The following SPACA1 variants were observed in gnomAD, a reference collection of about 807,000 sequenced individuals.
The protein encoded by SPACA1 is sperm acrosome associated 1, also known as sperm acrosome membrane-associated protein 1.
In SPACA1, 17 loss-of-function variants were observed where a neutral mutation model predicts 32.6. The observed-to-expected ratio is 0.52, with a 90% CI of 0.36 to 0.78. The LOEUF (loss-of-function observed/expected upper bound fraction) is 0.78. SPACA1 is among the 30% of genes least tolerant of loss of function. The pLI is 0.01. For missense variants in SPACA1, 363 were observed against 373.4 expected (o/e 0.97, Z 0.23); for synonymous variants, 140 against 138.1 (o/e 1.01, Z -0.10).
chr6:88,063,945 T>G (rs1238552224), intron 5 of SPACA1, 154 bp from the exon 6 acceptor site: 26 of 783,374 alleles, frequency 3.3e-5, no homozygotes, highest in Non-Finnish European at 4.3e-5. Context: ...AAAAGGACAT[T>G]TCAAACATGC....
At chr6:88,051,527 A>C (rs558137579) in intron 1 of SPACA1, among the ~76,000 whole-genome samples, 4 of 152,346 alleles carry the variant, frequency 2.6e-5, no homozygotes, top group African/African-American at 7.2e-5. Flanking sequence ...CTAAAAGAGC[A>C]AGATCATTTT....
intron 5 of SPACA1, among the ~76,000 whole-genome samples, chr6:88,063,553 G>C (rs552763287): frequency 6.6e-6 from 1 of 152,242 alleles, no homozygotes; most frequent in Admixed American, 6.5e-5. Context: ...GATGAGGAAG[G>C]AGTTAATTAG....
chr6:88,053,146 A>G (rs1195814441), intron 1 of SPACA1, among the ~76,000 whole-genome samples: 2 of 152,250 alleles, frequency 1.3e-5, no homozygotes, highest in Non-Finnish European at 2.9e-5. Flanking sequence ...AAATGCAAAC[A>G]GCTAATTAGT....
chr6:88,056,767 G>A (rs978447108), intron 2 of SPACA1, among the ~76,000 whole-genome samples: 3 of 152,124 alleles, frequency 2.0e-5, no homozygotes, highest in African/African-American at 7.2e-5. Flanking sequence ...ATGGGACACG[G>A]TTCAACATGT....
chr6:88,050,375 A>C lies in SPACA1; in HGVS notation c.208+2262A>C, dbSNP rs923186113. Among the ~76,000 whole-genome samples the C allele has an allele frequency of 5.3e-5, 8 of 152,240 alleles. No individual in the cohort carries two copies. In the East Asian group the frequency reaches 1.3e-3, roughly 26 times the overall value. On this transcript the variant is annotated intron_variant, in intron 1 of 6. Transcript: ENST00000237201. ...TTCATCTAGTATATTCATCCAAGATAATCATCATCTCTCATTGAGATTTTG... is the reference window on the plus strand; with the variant it reads ...TTCATCTAGTATATTCATCCAAGATCATCATCATCTCTCATTGAGATTTTG...
chr6:88,059,196 A>G (rs1397282183), intron 4 of SPACA1, among the ~76,000 whole-genome samples: 3 of 152,160 alleles, frequency 2.0e-5, no homozygotes, highest in Non-Finnish European at 2.9e-5. Context: ...TCCATATAAC[A>G]ATTCTCTGAG....
At chr6:88,064,640 C>T (rs1326789055) in intron 6 of SPACA1, among the ~76,000 whole-genome samples, 2 of 151,606 alleles carry the variant, frequency 1.3e-5, no homozygotes, top group Non-Finnish European at 2.9e-5. Context: ...GGCTCATATA[C>T]TATCGATTTG....
chr6:88,057,182 A>G (rs1213206386), intron 2 of SPACA1, among the ~76,000 whole-genome samples: 1 of 152,216 alleles, frequency 6.6e-6, no homozygotes, highest in East Asian at 1.9e-4. Flanking sequence ...AATTTATGAC[A>G]TGTTATCAAT....
At chr6:88,065,856 G>C (rs1206373704) in intron 6 of SPACA1, among the ~76,000 whole-genome samples, 1 of 151,268 alleles carries the variant, frequency 6.6e-6, no homozygotes, top group African/African-American at 2.4e-5. Flanking sequence ...GAAAAAATTT[G>C]AATACAAAAT....
At chr6:88,050,013 A>G (rs1202952015) in intron 1 of SPACA1, among the ~76,000 whole-genome samples, 2 of 152,218 alleles carry the variant, frequency 1.3e-5, no homozygotes, top group African/African-American at 4.8e-5. Context: ...AAATATTTTC[A>G]TCTTTAGATT....
chr6:88,064,413 A>G, intron 6 of SPACA1, 194 bp downstream of exon 6: 1 of 366,128 alleles, frequency 2.7e-6, no homozygotes, highest in Non-Finnish European at 4.8e-6. Flanking sequence ...TTTTTAAAAC[A>G]ATCTCATGAC....
rs1316372707 is a variant in SPACA1 at position 88,058,793 on chromosome 6, T to C, written c.445T>C (p.Tyr149His). 6.2e-7 allele frequency: 1 copy of C among 1,613,090 alleles called. No individual in the cohort carries two copies. The highest frequency in any genetic ancestry group is 1.1e-5 in the South Asian group (1 of 91,006). Reference protein sequence around the residue: ...IHTSPLNRFKYMWKLLRQDQQ... With the variant: ...IHTSPLNRFKHMWKLLRQDQQ... The stretch of plus-strand genomic sequence containing the variant: ...CACATCTCCCTTAAATCGTTTCAAA[T>C]ATATGTGGAAACTTCTAAGACAAGA... Residue 149 changes from tyrosine (Y) to histidine (H), a missense_variant, in exon 4 of 7, where the codon TAT becomes CAT. Tyr to His is a moderately conservative substitution (Grantham distance 83, BLOSUM62 2). Coordinates refer to ENST00000237201, the MANE Select transcript of SPACA1 (RefSeq NM_030960.3).
At chr6:88,063,434 C>A (rs1775926454) in intron 5 of SPACA1, among the ~76,000 whole-genome samples, 7 of 152,098 alleles carry the variant, frequency 4.6e-5, no homozygotes, top group African/African-American at 9.7e-5. Flanking sequence ...GTAAACAAAT[C>A]TTTACACAAG....
intron 5 of SPACA1, 39 bp downstream of exon 5, chr6:88,059,627 A>G (rs1775862511): frequency 1.9e-6 from 3 of 1,558,536 alleles, no homozygotes; most frequent in African/African-American, 1.4e-5. Flanking sequence ...TTATATGCCA[A>G]TCTTTAAAGA....
chr6:88,048,561 A>T (rs562662910), intron 1 of SPACA1, among the ~76,000 whole-genome samples: 2 of 152,076 alleles, frequency 1.3e-5, no homozygotes, highest in South Asian at 4.1e-4. Flanking sequence ...ATACACCCAG[A>T]TAGACCAGTA....
Position 88,066,184 on chromosome 6 carries a change from C to A in SPACA1, c.734C>A (p.Ala245Glu). Residue 245 changes from alanine to glutamate, a missense_variant and splice_region_variant, in exon 7 of 7, where the codon GCA becomes GAA. Transcript: ENST00000237201. ...TTGGTTTTTGTTTTTTCTTCCAGGG[C>A]AGCAGTCAAGGCTTTCTGGGGGGCA... ...FLLIFIIINW[A>E]AVKAFWGAKA... 1.9e-6 allele frequency: 3 copies of A among 1,565,270 alleles called. No individual in the cohort carries two copies. The highest frequency in any genetic ancestry group is 2.4e-5 in the South Asian group (2 of 82,086).
At chr6:88,058,647 A>G in intron 3 of SPACA1, 69 bp from the exon 4 acceptor site, 1 of 1,158,840 alleles carries the variant, frequency 8.6e-7, no homozygotes, top group Non-Finnish European at 1.3e-6. Flanking sequence ...TCAGGAAAAA[A>G]AAAAGTAATT....
intron 2 of SPACA1, 127 bp from the exon 3 acceptor site, chr6:88,057,485 C>A: frequency 1.6e-6 from 1 of 627,638 alleles, no homozygotes. Flanking sequence ...TGTTATCGTT[C>A]TGAATTTAGA....
chr6:88,061,626 A>G (rs1396692885), intron 5 of SPACA1, among the ~76,000 whole-genome samples: 3 of 152,212 alleles, frequency 2.0e-5, no homozygotes, highest in African/African-American at 7.2e-5. Flanking sequence ...GAGACAAGGA[A>G]GGATCCTCCC....
Sources: gnomAD v4.1 joint callset for allele counts (sites outside exome capture counted in the v4.1 genomes callset) on GRCh38, gnomAD v4.1.1 for gene constraint, MANE v1.5 for transcripts, NCBI Gene and HGNC (gene_info 2026-07-23, HGNC 2026-07-21) for gene names.